The following DNAH7 variants were observed in gnomAD, a reference collection of about 807,000 sequenced individuals.
The protein encoded by DNAH7 is axonemal beta dynein heavy chain 7.
In DNAH7, 397 loss-of-function variants were observed where a neutral mutation model predicts 444.6. The observed-to-expected ratio is 0.89, with a 90% confidence interval of 0.82 to 0.97. DNAH7 has a LOEUF of 0.97. Among genes scored for constraint, DNAH7 ranks in the 50% least tolerant of loss-of-function variants. DNAH7 has a pLI of 0.00. For missense variants in DNAH7, 4,902 were observed against 4,800.8 expected (o/e 1.02, Z -0.62); for synonymous variants, 1,636 against 1,624.4 (o/e 1.01, Z -0.17).
chr2:195,810,277 A>G (rs962692677), intron 51 of DNAH7, among the ~76,000 whole-genome samples: 2 of 152,208 alleles, frequency 1.3e-5, no homozygotes, highest in African/African-American at 4.8e-5. Flanking sequence ...TAGCTTCTTT[A>G]TTAAATTTAG....
chr2:196,036,118 G>A (rs543475270), intron 5 of DNAH7, among the ~76,000 whole-genome samples: 40 of 147,390 alleles, frequency 2.7e-4, no homozygotes, highest in African/African-American at 9.8e-4. Flanking sequence ...TGAAACCTCT[G>A]CCTCCTGAGT....
chr2:195,795,226 C>A (rs1450510985), intron 56 of DNAH7, among the ~76,000 whole-genome samples: 1 of 152,132 alleles, frequency 6.6e-6, no homozygotes. Context: ...ACTAAAAATA[C>A]AAAAATTTAG....
chr2:195,929,671 T>C (rs888821038), intron 21 of DNAH7, among the ~76,000 whole-genome samples: 1 of 152,190 alleles, frequency 6.6e-6, no homozygotes, highest in African/African-American at 2.4e-5. Context: ...GCTAGCCATA[T>C]GAAGAAGAAT....
chr2:195,748,194 GACAA>G (rs1230131092), intron 63 of DNAH7, among the ~76,000 whole-genome samples: 28 of 152,226 alleles, frequency 1.8e-4, no homozygotes, highest in South Asian at 6.2e-4. Context: ...ACCAATAACA[GACAA>G]ACAGAGAGCC....
chr2:195,752,951 C>T (rs1693872962), intron 63 of DNAH7, among the ~76,000 whole-genome samples: 1 of 152,166 alleles, frequency 6.6e-6, no homozygotes. Context: ...TTTTGCTATA[C>T]TGGTGAGCGG....
intron 61 of DNAH7, among the ~76,000 whole-genome samples, chr2:195,762,997 A>G (rs1694418492): frequency 6.6e-6 from 1 of 152,232 alleles, no homozygotes; most frequent in African/African-American, 2.4e-5. Flanking sequence ...AAAAAAATGA[A>G]ATAATATCAA....
chr2:195,753,343 A>T (rs974266123), intron 63 of DNAH7, among the ~76,000 whole-genome samples: 5 of 152,218 alleles, frequency 3.3e-5, no homozygotes, highest in Non-Finnish European at 5.9e-5. Flanking sequence ...GGATTGCTTC[A>T]TAGTGTTACA....
chr2:196,042,491 C>T (rs1276163521), intron 5 of DNAH7, among the ~76,000 whole-genome samples: 1 of 151,866 alleles, frequency 6.6e-6, no homozygotes, highest in Non-Finnish European at 1.5e-5. Flanking sequence ...ACATAAAGAA[C>T]TCTTCCAATG....
At chr2:195,961,020 C>T (rs945418104) in intron 17 of DNAH7, 75 bp from the exon 18 acceptor site, 27 of 1,263,224 alleles carry the variant, frequency 2.1e-5, no homozygotes, top group Non-Finnish European at 2.8e-5. Flanking sequence ...TTTTAAATAT[C>T]TATTTCAAAT....
intron 10 of DNAH7, among the ~76,000 whole-genome samples, chr2:196,002,330 A>C (rs963275438): frequency 6.6e-6 from 1 of 152,218 alleles, no homozygotes; most frequent in East Asian, 1.9e-4. Context: ...AACAATTTAC[A>C]AATCAACAAA....
In DNAH7 at chr2:195,987,924, A is replaced by T. The variant is rs749057458; in HGVS notation, c.1626+33T>A. 1.2e-5 allele frequency: 19 copies of T among 1,546,842 alleles called. No homozygotes were observed. In the South Asian group the frequency reaches 2.4e-4, roughly 19 times the overall value. On this transcript the variant is annotated intron_variant, in intron 13 of 64. Transcript: ENST00000312428. ...AAACTGGGGAAAAGATACCAGATAG[A>T]GATAACAGTTGCACAAAACTGGAGT...
intron 8 of DNAH7, 116 bp from the exon 9 acceptor site, chr2:196,019,411 T>C (rs574289638): frequency 6.7e-6 from 5 of 750,930 alleles, no homozygotes; most frequent in Non-Finnish European, 9.3e-6. Context: ...TCCCTCATCA[T>C]AATAACAAAA....
chr2:195,943,246 T>C (rs377284269), intron 19 of DNAH7, among the ~76,000 whole-genome samples: 128 of 152,292 alleles, frequency 8.4e-4, no homozygotes, highest in African/African-American at 3.0e-3. Context: ...CAGACGAACA[T>C]ACACAGATAG....
At chr2:195,855,338 A>G (rs73062502) in intron 45 of DNAH7, among the ~76,000 whole-genome samples, 9,190 of 152,224 alleles carry the variant, frequency 0.06, 368 homozygotes, top group African/African-American at 0.12. Flanking sequence ...TTTTTAGTAG[A>G]TACTGTGTGG....
chr2:196,046,707 T>C (rs1308975400), intron 5 of DNAH7, among the ~76,000 whole-genome samples: 3 of 152,172 alleles, frequency 2.0e-5, no homozygotes, highest in Non-Finnish European at 4.4e-5. Flanking sequence ...GATGACCATC[T>C]AGCCAGTAAA....
In DNAH7 at chr2:195,991,600, A is replaced by G. The variant is rs183806327; in HGVS notation, c.1354-3371T>C. Among the ~76,000 whole-genome samples the G allele has an allele frequency of 7.2e-5, 11 of 152,366 alleles. No homozygotes were observed. In the South Asian group the frequency reaches 1.4e-3, roughly 20 times the overall value. ...AATAATAAAAATGTGAGCAAACTAC[A>G]TATCAACTTCAATAAAACAACTGCT... On this transcript the variant is annotated intron_variant, in intron 12 of 64. Transcript: ENST00000312428.
At chr2:195,962,498 T>C (rs1480533176) in intron 17 of DNAH7, among the ~76,000 whole-genome samples, 1 of 152,042 alleles carries the variant, frequency 6.6e-6, no homozygotes, top group East Asian at 1.9e-4. Context: ...TACAGGCACA[T>C]GCCACCATGC....
rs10931715 is a variant in DNAH7, at chr2:195,987,187, G to A, written c.1633C>T (p.Arg545Cys). The change falls in exon 14 of 65, where the codon CGT becomes TGT. Residue 545 changes from arginine to cysteine, a missense_variant. Physicochemically the swap from Arg to Cys is radical, Grantham distance 180. Coordinates refer to ENST00000312428, the MANE Select transcript of DNAH7 (RefSeq NM_018897.3). ...EIQYTSIKTIRLGMFEMHCEE... is the reference protein window; with the variant it reads ...EIQYTSIKTICLGMFEMHCEE... Reference sequence around the variant, plus strand: ...CAGTGCATTTCAAACATTCCTAAACGAATAGTCTGCAAAAGATTAAAAGTT... The same window carrying A: ...CAGTGCATTTCAAACATTCCTAAACAAATAGTCTGCAAAAGATTAAAAGTT... The A allele has an allele frequency of 0.65, 1,016,407 of 1,573,502 alleles. 336,717 individuals carry two copies. Among genetic ancestry groups the A allele is most frequent in the South Asian group, 0.71 (59,207 of 83,544 alleles).
chr2:195,888,123 A>T, intron 33 of DNAH7, 135 bp downstream of exon 33: 1 of 724,920 alleles, frequency 1.4e-6, no homozygotes, highest in Admixed American at 3.5e-5. Context: ...TTCTAATCTA[A>T]ATTTTTAATT....
Sources: gnomAD v4.1 joint callset for allele counts (sites outside exome capture counted in the v4.1 genomes callset) on GRCh38, gnomAD v4.1.1 for gene constraint, MANE v1.5 for transcripts, NCBI Gene and HGNC (gene_info 2026-07-23, HGNC 2026-07-21) for gene names.